Variants in GADL1 observed in about 807,000 individuals in gnomAD.
GADL1 encodes the protein GAD like acidic amino acid decarboxylase 1.
In GADL1, 71 loss-of-function variants were observed where a neutral mutation model predicts 69.5. That is an observed-to-expected ratio of 1.02 (90% CI 0.84 to 1.25). GADL1 has a LOEUF of 1.25. Among genes scored for constraint, GADL1 ranks in the 50% most tolerant of loss-of-function variants. GADL1 has a pLI of 0.00. For missense variants in GADL1, 737 were observed against 631.8 expected (o/e 1.17, Z -1.79); for synonymous variants, 254 against 214.4 (o/e 1.18, Z -1.62).
In GADL1 at chr3:30,850,108, C is replaced by A. The variant is rs1304227160; in HGVS notation, c.539G>T (p.Gly180Val). 6 of 1,558,100 alleles carry A rather than the reference C, an allele frequency of 3.9e-6. No individual in the cohort carries two copies. Among genetic ancestry groups the A allele is most frequent in the Non-Finnish European group, 5.3e-6 (6 of 1,130,622 alleles). The change falls in exon 6 of 15, where the codon GGC (glycine) becomes GTC (valine). Residue 180 changes from glycine (G) to valine (V), a missense_variant. Transcript: ENST00000282538. ...CATTGCATACATATTGGACACTGAG[C>A]CACCTGCAAAAACAAAATTAAAATG... is the stretch of plus-strand genomic sequence containing the variant. ...KEGDGIFNPGGSVSNMYAMNL... is the reference protein window; with the variant it reads ...KEGDGIFNPGVSVSNMYAMNL...
chr3:30,761,728 ACAT>A (rs953371310), intron 14 of GADL1, among the ~76,000 whole-genome samples: 31 of 152,020 alleles, frequency 2.0e-4, no homozygotes, highest in African/African-American at 6.5e-4. Flanking sequence ...AGACAAAGTA[ACAT>A]CATTAGACCA....
chr3:30,762,597 A>G (rs1553636582), intron 14 of GADL1, among the ~76,000 whole-genome samples: 1 of 152,198 alleles, frequency 6.6e-6, no homozygotes, highest in Non-Finnish European at 1.5e-5. Context: ...CATTCCCTCA[A>G]GCATTTATCT....
chr3:30,882,829 T>A (rs1698660188), intron 1 of GADL1, among the ~76,000 whole-genome samples: 1 of 151,794 alleles, frequency 6.6e-6, no homozygotes. Context: ...GCACTTGTTA[T>A]TTTCAGGTGG....
At chr3:30,767,275 TAA>T (rs555258311) in intron 14 of GADL1, among the ~76,000 whole-genome samples, 102 of 152,236 alleles carry the variant, frequency 6.7e-4, no homozygotes, top group Middle Eastern at 3.4e-3. Flanking sequence ...CTTTTTAACT[TAA>T]AGAGTTCTAA....
chr3:30,744,520 G>T (rs1695671563), intron 14 of GADL1, among the ~76,000 whole-genome samples: 1 of 152,008 alleles, frequency 6.6e-6, no homozygotes, highest in African/African-American at 2.4e-5. Context: ...AGACCAGCCT[G>T]GGCAACATTA....
intron 1 of GADL1, among the ~76,000 whole-genome samples, chr3:30,883,639 C>T (rs1047243269): frequency 6.6e-6 from 1 of 151,880 alleles, no homozygotes; most frequent in African/African-American, 2.4e-5. Flanking sequence ...CCTTGAAATG[C>T]CATGTGAATT....
intron 14 of GADL1, among the ~76,000 whole-genome samples, chr3:30,757,570 C>T (rs1696006876): frequency 6.6e-6 from 1 of 152,070 alleles, no homozygotes; most frequent in African/African-American, 2.4e-5. Flanking sequence ...GATTACAGGC[C>T]CATGGATTAG....
At chr3:30,877,757 T>C (rs1032774050) in intron 1 of GADL1, among the ~76,000 whole-genome samples, 4 of 151,916 alleles carry the variant, frequency 2.6e-5, no homozygotes. Context: ...TTGATTTGAC[T>C]TTTGTCTGTT....
At chr3:30,789,139 A>G (rs1364863074) in intron 12 of GADL1, among the ~76,000 whole-genome samples, 1 of 152,248 alleles carries the variant, frequency 6.6e-6, no homozygotes, top group Non-Finnish European at 1.5e-5. Flanking sequence ...TACAAAACAC[A>G]TTTCTTAAAT....
chr3:30,787,453 A>T (rs1410923987), intron 12 of GADL1, among the ~76,000 whole-genome samples: 2 of 152,096 alleles, frequency 1.3e-5, no homozygotes, highest in African/African-American at 2.4e-5. Context: ...GGCCTTGAAA[A>T]CTAGTGATTC....
chr3:30,792,990 T>TC (rs933920791), intron 12 of GADL1, among the ~76,000 whole-genome samples: 23 of 152,176 alleles, frequency 1.5e-4, no homozygotes, highest in African/African-American at 5.1e-4. Flanking sequence ...ATCAACAGTG[T>TC]CTGCATATTG....
At chr3:30,741,365 C>T (rs1301999981) in intron 14 of GADL1, among the ~76,000 whole-genome samples, 1 of 151,744 alleles carries the variant, frequency 6.6e-6, no homozygotes, top group East Asian at 1.9e-4. Context: ...AGATACACTC[C>T]TACATCCCCA....
chr3:30,761,617 A>G (rs527319236), intron 14 of GADL1, among the ~76,000 whole-genome samples: 1 of 152,266 alleles, frequency 6.6e-6, no homozygotes, highest in East Asian at 1.9e-4. Flanking sequence ...TCTAAACCAA[A>G]CTTTATCCAA....
intron 11 of GADL1, among the ~76,000 whole-genome samples, chr3:30,819,713 A>C (rs944215575): frequency 6.6e-6 from 1 of 152,164 alleles, no homozygotes; most frequent in Non-Finnish European, 1.5e-5. Context: ...GTGATTCCTC[A>C]TGGAAAGAAA....
chr3:30,783,568 C>A lies in GADL1; in HGVS notation c.1302+2787G>T, dbSNP rs571142872. Among the ~76,000 whole-genome samples, 165 of 152,254 alleles carry A rather than the reference C, an allele frequency of 1.1e-3. 1 individual carries two copies. Among genetic ancestry groups the A allele is most frequent in the South Asian group, 7.5e-3 (36 of 4,822 alleles). Reference sequence around the variant, plus strand: ...ATGTACATATACATATATAGACATACAAATGCATATAAGCAAAAAGACTAT... The same window carrying A: ...ATGTACATATACATATATAGACATAAAAATGCATATAAGCAAAAAGACTAT... On this transcript the variant is annotated intron_variant, in intron 13 of 14. Coordinates refer to ENST00000282538, the MANE Select transcript of GADL1 (RefSeq NM_207359.3).
At chr3:30,791,692 C>G (rs1265598212) in intron 12 of GADL1, among the ~76,000 whole-genome samples, 1 of 152,030 alleles carries the variant, frequency 6.6e-6, no homozygotes, top group Non-Finnish European at 1.5e-5. Flanking sequence ...CTTTCAGAGC[C>G]TGTAAAGCCC....
chr3:30,854,109 A>G (rs1376552466), intron 4 of GADL1, among the ~76,000 whole-genome samples: 1 of 152,120 alleles, frequency 6.6e-6, no homozygotes, highest in South Asian at 2.1e-4. Context: ...GTCCTGCCAC[A>G]GGGCCTTTAT....
chr3:30,756,255 G>A (rs1695966821), intron 14 of GADL1, among the ~76,000 whole-genome samples: 3 of 152,154 alleles, frequency 2.0e-5, no homozygotes, highest in South Asian at 4.1e-4. Context: ...CTGAAACTCA[G>A]CTACTCAACT....
intron 11 of GADL1, among the ~76,000 whole-genome samples, chr3:30,808,236 C>T (rs570868413): frequency 1.3e-5 from 2 of 152,072 alleles, no homozygotes; most frequent in East Asian, 3.9e-4. Context: ...TGGCCTACGC[C>T]TGTAATCCCA....
Sources: gnomAD v4.1 joint callset for allele counts (sites outside exome capture counted in the v4.1 genomes callset) on GRCh38, gnomAD v4.1.1 for gene constraint, MANE v1.5 for transcripts, NCBI Gene and HGNC (gene_info 2026-07-23, HGNC 2026-07-21) for gene names.